CDK11B: variants seen among roughly 807,000 people sequenced by gnomAD.
CDK11B encodes cyclin-dependent kinase 11B.
In CDK11B, 37 loss-of-function variants were observed where a neutral mutation model predicts 84.0. That is an observed-to-expected ratio of 0.44 (90% confidence interval 0.34 to 0.58). The LOEUF (loss-of-function observed/expected upper bound fraction) is 0.58. CDK11B is among the 20% of genes least tolerant of loss of function. CDK11B has a pLI of 0.02. For synonymous variants in CDK11B, 269 were observed against 309.8 expected (o/e 0.87, Z 1.38); for missense variants, 427 against 834.0 (o/e 0.51, Z 6.01).
At chr1:1,654,708 G>C (rs1411408338) in intron 3 of CDK11B, among the ~76,000 whole-genome samples, 2 of 151,726 alleles carry the variant, frequency 1.3e-5, no homozygotes, top group Admixed American at 6.6e-5. Context: ...GCCCAGGCTG[G>C]GGTGCAGTGA....
At position 1,657,259 on chromosome 1, in the gene CDK11B, C is replaced by T. The variant is rs186109303; in HGVS notation, c.111+116G>A. ...TTAGAATAGATTTTGGGCTCACCTG[C>T]GACATTTGGAAGTACAAAAGAACTT... On this transcript the variant is annotated intron_variant, in intron 2 of 19. Coordinates refer to ENST00000341832, the MANE Select transcript of CDK11B (RefSeq NM_033486.3). 65 of 1,613,914 alleles carry T rather than the reference C, an allele frequency of 4.0e-5. No homozygotes were observed. In the African/African-American group the frequency reaches 6.9e-4, roughly 17 times the overall value.
chr1:1,637,290 G>C (rs1639498666), intron 14 of CDK11B, 88 bp from the exon 15 acceptor site: 8 of 1,572,356 alleles, frequency 5.1e-6, no homozygotes, highest in East Asian at 4.7e-5. Flanking sequence ...AGCAACAGAG[G>C]CTTCTCAGGG....
chr1:1,649,737 G>A, intron 4 of CDK11B, 100 bp from the exon 5 acceptor site: 2 of 1,161,722 alleles, frequency 1.7e-6, no homozygotes, highest in Middle Eastern at 2.3e-4. Flanking sequence ...CACTTTGGGA[G>A]GCTGAGGCGG....
chr1:1,652,112 C>T (rs1270128349), intron 4 of CDK11B, among the ~76,000 whole-genome samples: 2 of 148,192 alleles, frequency 1.3e-5, no homozygotes, highest in Non-Finnish European at 3.0e-5. Flanking sequence ...TGCATGCTTT[C>T]AGCTATTCTC....
At chr1:1,646,493 C>CATA in intron 5 of CDK11B, 1 of 519,924 alleles carries the variant, frequency 1.9e-6, no homozygotes, top group Non-Finnish European at 3.9e-6. Flanking sequence ...ATTTATGCCA[C>CATA]ATACCATGAC....
intron 9 of CDK11B, 73 bp from the exon 10 acceptor site, chr1:1,641,186 G>T: frequency 1.3e-6 from 2 of 1,549,266 alleles, no homozygotes; most frequent in Non-Finnish European, 1.8e-6. Flanking sequence ...TGCGGGCTCC[G>T]CTTCAGCTAA....
chr1:1,653,437 C>T (rs768294789), intron 3 of CDK11B, among the ~76,000 whole-genome samples: 2 of 152,106 alleles, frequency 1.3e-5, no homozygotes, highest in Non-Finnish European at 2.9e-5. Context: ...TCTCCTGCCT[C>T]AGCCTCCTGA....
intron 3 of CDK11B, among the ~76,000 whole-genome samples, chr1:1,652,835 C>T (rs1642185724): frequency 6.6e-6 from 1 of 151,716 alleles, no homozygotes; most frequent in Non-Finnish European, 1.5e-5. Context: ...ATGCCATTCT[C>T]TTGCCTCAGC....
rs1212256890 is a variant in CDK11B at position 1,650,268 on chromosome 1, C to CAAAAAAAAAAA, written c.356-642_356-632dup. Among the ~76,000 whole-genome samples the CAAAAAAAAAAA allele has an allele frequency of 2.0e-3, 92 of 45,780 alleles. 11 individuals carry two copies. The highest frequency in any genetic ancestry group is 6.8e-3 in the East Asian group (10 of 1,460). 30.0% of individuals were successfully genotyped at this position (45,780 alleles called of 152,430 possible). On this transcript the variant is annotated intron_variant, in intron 4 of 19. Transcript: ENST00000341832. The stretch of plus-strand genomic sequence containing the variant: ...CTGGGTGACAAGCAAGACTCCGTCC[C>CAAAAAAAAAAA]AAAAAAAAAAAAAAAAGAAATTAAA...
In CDK11B at chr1:1,636,958, G is replaced by T; in HGVS notation, c.1739C>A (p.Ala580Asp). Residue 580 changes from alanine to aspartate, a missense_variant, in exon 16 of 20, where the codon GCC (alanine) becomes GAC (aspartate). Ala to Asp is a moderately radical substitution (Grantham distance 126). Transcript: ENST00000341832. ...LAREYGSPLK[A>D]YTPVVVTLWY... is the part of the protein sequence containing the mutation. ...CAGGGTCACCACGACCGGGGTGTAG[G>T]CCTTCAGAGGGGATCCGTACTCCCG... The T allele has an allele frequency of 6.2e-7, 1 of 1,609,792 alleles. No individual in the cohort carries two copies. The highest frequency in any genetic ancestry group is 1.1e-5 in the South Asian group (1 of 90,750).
chr1:1,648,855 G>C (rs1376940470), intron 5 of CDK11B, among the ~76,000 whole-genome samples: 7 of 151,844 alleles, frequency 4.6e-5, no homozygotes, highest in Non-Finnish European at 1.0e-4. Flanking sequence ...CTGCAGCCTT[G>C]ACCTCCAGGC....
At chr1:1,637,629 C>T (rs1639577971) in intron 13 of CDK11B, 116 bp from the exon 14 acceptor site, 1 of 1,608,346 alleles carries the variant, frequency 6.2e-7, no homozygotes, top group Admixed American at 1.7e-5. Context: ...GAGGCAAATG[C>T]TTGCTTCTGT....
chr1:1,652,318 G>C (rs1642124974), intron 4 of CDK11B, 121 bp downstream of exon 4: 1 of 819,826 alleles, frequency 1.2e-6, no homozygotes, highest in Non-Finnish European at 1.8e-6. Context: ...ACACACGTAT[G>C]CTTTCAGCTA....
chr1:1,643,634 T>C (rs1320195920), intron 6 of CDK11B, among the ~76,000 whole-genome samples: 6 of 144,714 alleles, frequency 4.1e-5, no homozygotes, highest in Non-Finnish European at 8.9e-5. Context: ...ACGACGGAAA[T>C]ATCAACAGAG....
At chr1:1,648,140 G>A (rs1339059596) in intron 5 of CDK11B, among the ~76,000 whole-genome samples, 1 of 152,250 alleles carries the variant, frequency 6.6e-6, no homozygotes, top group Non-Finnish European at 1.5e-5. Flanking sequence ...ACCATACCCA[G>A]TTCTGGATTG....
intron 6 of CDK11B, among the ~76,000 whole-genome samples, chr1:1,644,001 GAAGTC>G (rs1640636844): frequency 6.6e-6 from 1 of 150,482 alleles, no homozygotes; most frequent in Non-Finnish European, 1.5e-5. Context: ...CAGGTAGAAT[GAAGTC>G]AAGAGGCCCA....
In CDK11B at chr1:1,654,873, T is replaced by C. The variant is rs567855681; in HGVS notation, c.227+496A>G. On this transcript the variant is annotated intron_variant, in intron 3 of 19. Transcript: ENST00000341832. ...CGGGGTTTCACTGTGTTAGCCAGGA[T>C]GGTCTTGATCTTCTGACCTTGTGAT... Among the ~76,000 whole-genome samples, 14 of 150,050 alleles carry C rather than the reference T, an allele frequency of 9.3e-5. 1 individual carries two copies. In the South Asian group the frequency reaches 3.0e-3, roughly 32 times the overall value.
At chr1:1,636,258 C>T in intron 18 of CDK11B, 75 bp downstream of exon 18, 2 of 1,417,138 alleles carry the variant, frequency 1.4e-6, no homozygotes, top group Non-Finnish European at 1.9e-6. Flanking sequence ...CGTGGTGAGC[C>T]AGCAGGTAGG....
At position 1,640,419 on chromosome 1, in the gene CDK11B, T is replaced by C. The variant is rs1273133831; in HGVS notation, c.1109A>G (p.Glu370Gly). The change falls in exon 11 of 20, where the codon GAG becomes GGG. Residue 370 changes from glutamate (E) to glycine (G), a missense_variant. Coordinates refer to ENST00000341832, the MANE Select transcript of CDK11B (RefSeq NM_033486.3). ...CACTTCTTCCTCTGCTTCTTCACTC[T>C]CCCCGGAATCTCGGTCGAACCGTGA... is the stretch of plus-strand genomic sequence containing the variant. ...PESRFDRDSG[E>G]SEEAEEEVGE... 5.6e-6 allele frequency: 9 copies of C among 1,613,594 alleles called. No individual in the cohort carries two copies. Among genetic ancestry groups the C allele is most frequent in the Non-Finnish European group, 5.9e-6 (7 of 1,179,626 alleles).
Sources: allele counts gnomAD v4.1 joint callset (sites outside exome capture counted in the v4.1 genomes callset), GRCh38; gene constraint gnomAD v4.1.1; transcripts MANE v1.5; gene names NCBI Gene and HGNC (gene_info 2026-07-23, HGNC 2026-07-21).